Variants in EXT1 observed in about 807,000 individuals in gnomAD.
EXT1 encodes the protein exostosin glycosyltransferase 1, also known as exostosin-1.
EXT1 carries 20 observed loss-of-function variants against 82.5 expected under a neutral mutation model. That is an observed-to-expected ratio of 0.24 (90% CI 0.17 to 0.35). EXT1 has a LOEUF of 0.35. Among genes scored for constraint, EXT1 ranks in the 10% least tolerant of loss-of-function variants. The pLI, the probability that EXT1 is intolerant of heterozygous loss-of-function variation, is 1.00. For synonymous variants in EXT1, 348 were observed against 350.8 expected (o/e 0.99, Z 0.09); for missense variants, 757 against 936.5 (o/e 0.81, Z 2.50).
intron 8 of EXT1, among the ~76,000 whole-genome samples, chr8:117,808,795 G>A (rs1440773131): frequency 3.9e-5 from 6 of 152,138 alleles, no homozygotes; most frequent in Non-Finnish European, 8.8e-5. Flanking sequence ...GTGTGTCTGT[G>A]AGGGTGTTTC....
intron 1 of EXT1, among the ~76,000 whole-genome samples, chr8:117,923,534 G>A (rs2086009): frequency 0.018 from 2,689 of 150,994 alleles, 36 homozygotes; most frequent in Middle Eastern, 0.048. Context: ...TGGCTAACAC[G>A]GTGAAACCCC....
chr8:118,029,716 G>A (rs1453311253), intron 1 of EXT1, among the ~76,000 whole-genome samples: 3 of 152,188 alleles, frequency 2.0e-5, no homozygotes, highest in African/African-American at 7.2e-5. Context: ...ATCTGAATGT[G>A]ATAGGCCAAT....
intron 1 of EXT1, among the ~76,000 whole-genome samples, chr8:117,898,764 T>C (rs906521030): frequency 9.2e-5 from 14 of 152,158 alleles, no homozygotes; most frequent in African/African-American, 3.1e-4. Flanking sequence ...ATTTGTTATC[T>C]TGCAGCAATG....
intron 10 of EXT1, among the ~76,000 whole-genome samples, chr8:117,802,373 T>C (rs1375973443): frequency 6.6e-6 from 1 of 152,216 alleles, no homozygotes; most frequent in East Asian, 1.9e-4. Context: ...ATGCACCACA[T>C]AATGACATTT....
intron 1 of EXT1, among the ~76,000 whole-genome samples, chr8:117,998,972 A>C (rs909167073): frequency 6.6e-6 from 1 of 152,346 alleles, no homozygotes; most frequent in East Asian, 1.9e-4. Flanking sequence ...TAAGTCATGT[A>C]TAAACACAAA....
chr8:117,925,810 A>T (rs925486558), intron 1 of EXT1, among the ~76,000 whole-genome samples: 4 of 151,828 alleles, frequency 2.6e-5, no homozygotes, highest in African/African-American at 9.7e-5. Flanking sequence ...AGGTGGGAGG[A>T]TCACTTGAGC....
intron 1 of EXT1, among the ~76,000 whole-genome samples, chr8:117,954,622 C>T (rs1056990851): frequency 3.9e-5 from 6 of 152,084 alleles, no homozygotes; most frequent in Admixed American, 2.0e-4. Context: ...ATTTGTAATC[C>T]CACCTATACA....
chr8:118,057,410 T>C (rs1816810158), intron 1 of EXT1, among the ~76,000 whole-genome samples: 1 of 151,792 alleles, frequency 6.6e-6, no homozygotes, highest in African/African-American at 2.4e-5. Flanking sequence ...GTGTGATGGC[T>C]GATGCCATAA....
intron 1 of EXT1, among the ~76,000 whole-genome samples, chr8:118,090,413 G>T (rs1465431274): frequency 6.6e-6 from 1 of 151,540 alleles, no homozygotes; most frequent in Non-Finnish European, 1.5e-5. Context: ...GAGCAAGACC[G>T]TGTCTTGAAA....
chr8:117,873,672 T>C (rs1386840830), intron 1 of EXT1, among the ~76,000 whole-genome samples: 1 of 152,144 alleles, frequency 6.6e-6, no homozygotes, highest in Non-Finnish European at 1.5e-5. Flanking sequence ...GCCAGTCTGG[T>C]CTTGAAATCC....
intron 1 of EXT1, among the ~76,000 whole-genome samples, chr8:118,032,863 T>C (rs1006625790): frequency 6.6e-6 from 1 of 152,148 alleles, no homozygotes; most frequent in Non-Finnish European, 1.5e-5. Context: ...TATATAATTT[T>C]ATAGATAACC....
intron 2 of EXT1, among the ~76,000 whole-genome samples, chr8:117,836,145 C>T (rs1812185578): frequency 6.6e-6 from 1 of 152,108 alleles, no homozygotes; most frequent in Admixed American, 6.5e-5. Flanking sequence ...ATGGTCTGTG[C>T]CGGGAAATAA....
chr8:117,837,610 GT>G (rs1812208568), intron 1 of EXT1, among the ~76,000 whole-genome samples: 1 of 152,130 alleles, frequency 6.6e-6, no homozygotes, highest in Non-Finnish European at 1.5e-5. Flanking sequence ...AACTAAGACT[GT>G]TCTTGTTCCC....
intron 1 of EXT1, among the ~76,000 whole-genome samples, chr8:117,911,937 G>A (rs114850359): frequency 1.1e-3 from 166 of 152,142 alleles, no homozygotes; most frequent in African/African-American, 3.7e-3. Flanking sequence ...TCTTTCTCAC[G>A]GGAGCTATGT....
chr8:117,998,077 G>A (rs1266402011), intron 1 of EXT1, among the ~76,000 whole-genome samples: 1 of 147,338 alleles, frequency 6.8e-6, no homozygotes, highest in Non-Finnish European at 1.5e-5. Context: ...GCAGTGGCTC[G>A]ATCTTGGCTC....
intron 1 of EXT1, among the ~76,000 whole-genome samples, chr8:118,020,081 C>G (rs1379756450): frequency 6.6e-6 from 1 of 152,156 alleles, no homozygotes; most frequent in Non-Finnish European, 1.5e-5. Context: ...ACTTCAGAAG[C>G]AACTTGCATG....
At chr8:117,859,463 G>A (rs1031347044) in intron 1 of EXT1, among the ~76,000 whole-genome samples, 1 of 152,208 alleles carries the variant, frequency 6.6e-6, no homozygotes, top group Non-Finnish European at 1.5e-5. Context: ...AGTGTGGTAT[G>A]GGTATGAGGG....
chr8:117,932,254 G>A (rs1009826933), intron 1 of EXT1, among the ~76,000 whole-genome samples: 5 of 152,132 alleles, frequency 3.3e-5, no homozygotes, highest in African/African-American at 1.2e-4. Context: ...GAACTTCAAA[G>A]CTTTGCTTGC....
At chr8:117,835,960 G>A (rs1388360221) in intron 2 of EXT1, among the ~76,000 whole-genome samples, 3 of 152,150 alleles carry the variant, frequency 2.0e-5, no homozygotes, top group African/African-American at 2.4e-5. Context: ...CGTGCAAAGT[G>A]GTTTACCCCA....
Sources: allele counts gnomAD v4.1 joint callset (sites outside exome capture counted in the v4.1 genomes callset), GRCh38; gene constraint gnomAD v4.1.1; transcripts MANE v1.5; gene names NCBI Gene and HGNC (gene_info 2026-07-23, HGNC 2026-07-21).